EHBP1: variants seen among roughly 807,000 people sequenced by gnomAD.
EHBP1 encodes EH domain binding protein 1.
Under a neutral mutation model 144.0 loss-of-function variants are expected in EHBP1, and 55 were observed. The observed-to-expected ratio is 0.38, with a 90% CI of 0.31 to 0.48. The LOEUF (loss-of-function observed/expected upper bound fraction) is 0.48. EHBP1 is among the 20% of genes least tolerant of loss of function. The pLI is 0.98. For missense variants in EHBP1, 1,200 were observed against 1,364.2 expected (o/e 0.88, Z 1.90); for synonymous variants, 469 against 472.7 (o/e 0.99, Z 0.10).
chr2:62,729,476 A>T (rs1428626120), intron 2 of EHBP1, among the ~76,000 whole-genome samples: 1 of 114,728 alleles, frequency 8.7e-6, no homozygotes, highest in Non-Finnish European at 1.7e-5. Flanking sequence ...AATATATAAA[A>T]ATATATATAA....
chr2:62,979,400 CT>C, intron 15 of EHBP1, 65 bp downstream of exon 15: 1 of 1,496,040 alleles, frequency 6.7e-7, no homozygotes, highest in Non-Finnish European at 9.0e-7. Context: ...CCTTTTGGGA[CT>C]TTTTATTCTT....
At chr2:62,791,192 G>GT (rs558508154) in intron 5 of EHBP1, among the ~76,000 whole-genome samples, 3 of 152,020 alleles carry the variant, frequency 2.0e-5, no homozygotes, top group Admixed American at 2.0e-4. Flanking sequence ...CCAACTTTAA[G>GT]TAGTACATGT....
intron 5 of EHBP1, chr2:62,772,129 G>C (rs1573260174): frequency 7.1e-6 from 1 of 140,362 alleles, no homozygotes; most frequent in Non-Finnish European, 1.5e-5. Flanking sequence ...GAGCAAGAGA[G>C]AGAAAGAAGG....
In EHBP1 at chr2:62,819,973, G is replaced by T. The variant is rs767288650; in HGVS notation, c.313-6114G>T. On this transcript the variant is annotated intron_variant, in intron 5 of 22. Coordinates refer to ENST00000431489, the MANE Select transcript of EHBP1 (RefSeq NM_001142616.3). ...TGCCTATAATCCCAGCACTTTGGGA[G>T]GCCGAAGCGGGCAGATCACCTGAGG... Among the ~76,000 whole-genome samples the T allele has an allele frequency of 3.3e-5, 5 of 151,632 alleles. 1 individual carries two copies. The highest frequency in any genetic ancestry group is 7.4e-5 in the Non-Finnish European group (5 of 67,884).
chr2:62,854,419 A>G (rs1465903074), intron 7 of EHBP1, among the ~76,000 whole-genome samples: 2 of 152,256 alleles, frequency 1.3e-5, no homozygotes, highest in Admixed American at 6.5e-5. Flanking sequence ...TGGTTTAGAC[A>G]TGACTTCCTC....
At chr2:62,854,458 T>C (rs1031996333) in intron 7 of EHBP1, among the ~76,000 whole-genome samples, 19 of 152,240 alleles carry the variant, frequency 1.2e-4, no homozygotes, top group African/African-American at 4.3e-4. Flanking sequence ...TAGCTTTTCA[T>C]TTAAAGGGAG....
In EHBP1 at chr2:63,015,308, C is replaced by T. The variant is rs1197833173; in HGVS notation, c.3103+18542C>T. Among the ~76,000 whole-genome samples the T allele has an allele frequency of 2.6e-5, 4 of 152,248 alleles. No homozygotes were observed. In the East Asian group the frequency reaches 5.8e-4, roughly 22 times the overall value. ...TGTTAATGGGAGTAACTTGGACAAC[C>T]ATAGTTTTTAATGTCAGGAAAAAGT... On this transcript the variant is annotated intron_variant, in intron 19 of 22. Transcript: ENST00000431489.
intron 1 of EHBP1, among the ~76,000 whole-genome samples, chr2:62,693,615 T>C (rs1470508198): frequency 6.6e-6 from 1 of 152,218 alleles, no homozygotes; most frequent in African/African-American, 2.4e-5. Flanking sequence ...TTATCATTTC[T>C]TTGTGTTGGC....
Position 63,045,335 on chromosome 2 carries a change from C to T in EHBP1, c.3393-75C>T, listed in dbSNP as rs912650362. ...CGCTGGGGATCCAAATACTGGGCGA[C>T]GGGGGAGTGCTGCTCTGCCCTCCAC... is the stretch of plus-strand genomic sequence containing the variant. On this transcript the variant is annotated intron_variant, in intron 22 of 22. Coordinates refer to ENST00000431489, the MANE Select transcript of EHBP1 (RefSeq NM_001142616.3). The surrounding 1 kb of genome is among the most constrained non-coding windows in gnomAD (Gnocchi z 5.7). 121 of 1,459,346 alleles carry T rather than the reference C, an allele frequency of 8.3e-5. No individual in the cohort carries two copies. The highest frequency in any genetic ancestry group is 6.9e-4 in the Middle Eastern group (4 of 5,796). The allele number at this position is 1,459,346 out of a possible 1,614,324, so 90.4% of individuals were successfully genotyped here. A position where few individuals can be genotyped will look rare whatever the true frequency, so the allele number is the denominator to read the frequency against.
upstream of EHBP1, among the ~76,000 whole-genome samples, chr2:62,701,934 G>A (rs1236754415): frequency 1.3e-5 from 2 of 151,792 alleles, no homozygotes; most frequent in Non-Finnish European, 2.9e-5. Flanking sequence ...CTAGGAATAC[G>A]GCACAGATAA....
chr2:62,864,780 TAATAAC>T lies in EHBP1; in HGVS notation c.809_814del (p.Asn270_Asn271del), dbSNP rs781004179. 1 of 1,613,670 alleles carries T rather than the reference TAATAAC, an allele frequency of 6.2e-7. No homozygotes were observed. The highest frequency in any genetic ancestry group is 1.1e-5 in the South Asian group (1 of 90,860). ...CTAGAAAAACAGAAGACTCTTTTTA[TAATAAC>T]AGCTATAATCCCTTTAAAGAGGTGC... On this transcript the variant is annotated inframe_deletion, in exon 9 of 23. Transcript: ENST00000431489.
intron 7 of EHBP1, among the ~76,000 whole-genome samples, chr2:62,850,470 T>C (rs1325040463): frequency 6.6e-6 from 1 of 152,186 alleles, no homozygotes; most frequent in Non-Finnish European, 1.5e-5. Context: ...CTCAAATTAT[T>C]TGACCCTTTG....
chr2:62,988,086 T>C, intron 15 of EHBP1: 1 of 1,060,032 alleles, frequency 9.4e-7, no homozygotes, highest in Non-Finnish European at 1.4e-6. Flanking sequence ...TGGCAAACTT[T>C]ATGGTTATAT....
At chr2:62,806,346 C>A (rs899353361) in intron 5 of EHBP1, among the ~76,000 whole-genome samples, 2 of 151,808 alleles carry the variant, frequency 1.3e-5, no homozygotes, top group Non-Finnish European at 2.9e-5. Context: ...CACTCTTCTA[C>A]TTTTTGTGGT....
At chr2:62,730,008 A>C (rs1362509603) in intron 2 of EHBP1, among the ~76,000 whole-genome samples, 1 of 152,084 alleles carries the variant, frequency 6.6e-6, no homozygotes, top group Non-Finnish European at 1.5e-5. Flanking sequence ...GAGTCACACA[A>C]ATTCTTTGTT....
chr2:62,817,033 A>G (rs562692431), intron 5 of EHBP1, among the ~76,000 whole-genome samples: 4 of 152,292 alleles, frequency 2.6e-5, no homozygotes, highest in African/African-American at 4.8e-5. Context: ...TGTGCAAAAA[A>G]TCTTGAACAG....
chr2:62,687,639 CA>C (rs2033762171), intron 1 of EHBP1, among the ~76,000 whole-genome samples: 1 of 152,170 alleles, frequency 6.6e-6, no homozygotes, highest in Admixed American at 6.5e-5. Flanking sequence ...TGAACTCTCC[CA>C]ATTTTTTTTG....
At chr2:62,968,195 A>G (rs1446977089) in intron 14 of EHBP1, among the ~76,000 whole-genome samples, 1 of 152,150 alleles carries the variant, frequency 6.6e-6, no homozygotes, top group African/African-American at 2.4e-5. Flanking sequence ...GTTTATAAGT[A>G]ATACTACTAG....
chr2:62,905,866 C>G (rs1230594244), intron 10 of EHBP1, among the ~76,000 whole-genome samples: 9 of 151,968 alleles, frequency 5.9e-5, no homozygotes, highest in African/African-American at 2.2e-4. Context: ...CAGGAGGAAG[C>G]AGGAGTAAAA....
Sources: gnomAD v4.1 joint callset for allele counts (sites outside exome capture counted in the v4.1 genomes callset) on GRCh38, gnomAD v4.1.1 for gene constraint, Gnocchi (gnomAD v3.1) non-coding constraint, MANE v1.5 for transcripts, NCBI Gene and HGNC (gene_info 2026-07-23, HGNC 2026-07-21) for gene names.